Variants in DOCK7 observed in about 807,000 individuals in gnomAD.
The protein encoded by DOCK7 is dedicator of cytokinesis 7.
Under a neutral mutation model 271.0 loss-of-function variants are expected in DOCK7, and 138 were observed. That is an observed-to-expected ratio of 0.51 (90% confidence interval 0.44 to 0.59). The LOEUF is 0.59. DOCK7 is among the 20% of genes least tolerant of loss of function. The probability of loss-of-function intolerance (pLI) is 0.00; values close to 1 mark genes in which losing one functional copy is unlikely to be tolerated. For synonymous variants in DOCK7, 823 were observed against 876.1 expected (o/e 0.94, Z 1.07); for missense variants, 2,066 against 2,592.4 (o/e 0.80, Z 4.41).
intron 14 of DOCK7, among the ~76,000 whole-genome samples, chr1:62,607,202 A>T (rs951811147): frequency 1.3e-5 from 2 of 152,104 alleles, no homozygotes; most frequent in Admixed American, 6.6e-5. Flanking sequence ...GACTCAAAAA[A>T]AAATAAATAA....
chr1:62,589,785 T>C (rs1481580512), intron 14 of DOCK7, among the ~76,000 whole-genome samples: 2 of 150,812 alleles, frequency 1.3e-5, no homozygotes, highest in East Asian at 2.0e-4. Flanking sequence ...ATTAAAAGTA[T>C]ATCATTTAAT....
chr1:62,681,522 C>G (rs1192977551), intron 1 of DOCK7, among the ~76,000 whole-genome samples: 2 of 133,486 alleles, frequency 1.5e-5, no homozygotes, highest in Non-Finnish European at 3.1e-5. Flanking sequence ...TACCGTAGAA[C>G]TTAAAGTATA....
intron 1 of DOCK7, among the ~76,000 whole-genome samples, chr1:62,673,378 CTG>C (rs1415955581): frequency 6.6e-6 from 1 of 152,164 alleles, no homozygotes; most frequent in Non-Finnish European, 1.5e-5. Flanking sequence ...GGCTCTATCA[CTG>C]TGATCAACAG....
intron 18 of DOCK7, among the ~76,000 whole-genome samples, chr1:62,571,641 T>C (rs527841220): frequency 5.3e-5 from 8 of 152,228 alleles, no homozygotes; most frequent in Admixed American, 2.0e-4. Context: ...AGCAAAGACA[T>C]TGAATCAACC....
intron 12 of DOCK7, among the ~76,000 whole-genome samples, chr1:62,622,366 T>C (rs1037538116): frequency 3.3e-5 from 5 of 152,168 alleles, no homozygotes; most frequent in African/African-American, 7.2e-5. Context: ...TGTCAACAAA[T>C]AGAACAAATG....
rs1258075253 is a variant in DOCK7, at chr1:62,672,747, C to T, written c.39-9617G>A. Reference sequence around the variant, plus strand: ...ATTAAAAAATAGATATTTTTAGATACATTTCAAAAATAAAGTAACTTGCCC... The same window carrying T: ...ATTAAAAAATAGATATTTTTAGATATATTTCAAAAATAAAGTAACTTGCCC... On this transcript the variant is annotated intron_variant, in intron 1 of 49. Coordinates refer to ENST00000635253, the MANE Select transcript of DOCK7 (RefSeq NM_001367561.1). 3.9e-5 allele frequency among the ~76,000 whole-genome samples: 6 copies of T among 152,042 alleles called. No homozygotes were observed. The East Asian group carries it at 1.2e-3, about 29-fold the overall frequency.
chr1:62,548,151 T>G (rs941748599), intron 22 of DOCK7, among the ~76,000 whole-genome samples: 5 of 143,116 alleles, frequency 3.5e-5, no homozygotes, highest in Non-Finnish European at 6.1e-5. Flanking sequence ...AGATAAACAC[T>G]AAAAAAAAAT....
rs1557642781 is a variant in DOCK7, at chr1:62,508,028, C to T, written c.4410G>A (p.Leu1470=). 6.2e-7 allele frequency: 1 copy of T among 1,612,738 alleles called. No individual in the cohort carries two copies. The highest frequency in any genetic ancestry group is 1.3e-5 in the African/African-American group (1 of 74,846). ...CTTCTGTAGCCAGGTTTCCATCAATCAGTGCTTCGTGTTCAATCTCTGCTC... is the reference window on the plus strand; with the variant it reads ...CTTCTGTAGCCAGGTTTCCATCAATTAGTGCTTCGTGTTCAATCTCTGCTC... The part of the protein sequence containing the change: ...KSRAEIEHEA[L]IDGNLATEAN... Residue 1470 remains leucine, a synonymous_variant, in exon 35 of 50, where the codon CTG becomes CTA. Transcript: ENST00000635253.
chr1:62,563,800 C>G (rs1309842353), intron 18 of DOCK7, among the ~76,000 whole-genome samples: 1 of 126,916 alleles, frequency 7.9e-6, no homozygotes, highest in Non-Finnish European at 1.6e-5. Flanking sequence ...ATTCAGGAGA[C>G]CCACCTCATG....
chr1:62,671,222 C>T (rs1229638901), intron 1 of DOCK7, among the ~76,000 whole-genome samples: 2 of 152,190 alleles, frequency 1.3e-5, no homozygotes, highest in Non-Finnish European at 2.9e-5. Context: ...TTCTTGAAGT[C>T]AGTGAGACCA....
intron 43 of DOCK7, chr1:62,485,151 A>G: frequency 1.0e-6 from 1 of 985,356 alleles, no homozygotes; most frequent in Non-Finnish European, 1.2e-6. Context: ...CAAAAATTTT[A>G]AAAGACAACA....
At position 62,555,924 on chromosome 1, in the gene DOCK7, C is replaced by T. The variant is rs1646127527; in HGVS notation, c.2497G>A (p.Glu833Lys). 6.2e-7 allele frequency: 1 copy of T among 1,613,848 alleles called. No individual in the cohort carries two copies. The highest frequency in any genetic ancestry group is 1.3e-5 in the African/African-American group (1 of 75,028). ...CTGCCATGCTGGTCATGATTTCCTT[C>T]CAAGTTTTTGTGAAGTCGATTTATA... Reference protein sequence around the residue: ...SIINRLHKNLEGNHDQHGRNS... With the variant: ...SIINRLHKNLKGNHDQHGRNS... Residue 833 changes from glutamate to lysine, a missense_variant, in exon 21 of 50, where the codon GAA becomes AAA. By Grantham distance (56) the Glu-to-Lys change is moderately conservative (BLOSUM62 1). Transcript: ENST00000635253.
rs550181357 is a variant in DOCK7, at chr1:62,571,988, C to T, written c.2112+5274G>A. 1.3e-4 allele frequency among the ~76,000 whole-genome samples: 20 copies of T among 152,186 alleles called. No homozygotes were observed. In the East Asian group the frequency reaches 1.4e-3, roughly 10 times the overall value. ...TACTTAGGTGATGGGTTGATAGGTG[C>T]GGCAAATCACCATGGCACATGTTTA... is the stretch of plus-strand genomic sequence containing the variant. On this transcript the variant is annotated intron_variant, in intron 18 of 49. Transcript: ENST00000635253.
chr1:62,570,443 G>A (rs1335516730), intron 18 of DOCK7, among the ~76,000 whole-genome samples: 1 of 152,148 alleles, frequency 6.6e-6, no homozygotes, highest in Non-Finnish European at 1.5e-5. Flanking sequence ...CTCATGGATA[G>A]GAAGAATCAA....
intron 14 of DOCK7, among the ~76,000 whole-genome samples, chr1:62,587,663 ATCATGTATCC>A (rs1647771673): frequency 6.6e-6 from 1 of 152,186 alleles, no homozygotes; most frequent in Non-Finnish European, 1.5e-5. Context: ...AAGAAGGAAT[ATCATGTATCC>A]CCAAACAATG....
In DOCK7 at chr1:62,455,185, T is replaced by C. The variant is rs1446147541; in HGVS notation, c.*229A>G. ...TAATGGTAAATGTATAGTGTACCTT[T>C]GAGTCATTAAAATGTCTTAAAAGAT... On this transcript the variant is annotated 3_prime_UTR_variant, in exon 50 of 50. Transcript: ENST00000635253. The C allele has an allele frequency of 9.4e-6, 6 of 640,934 alleles. No individual in the cohort carries two copies. The East Asian group carries it at 1.6e-4, about 17-fold the overall frequency. The allele number at this position is 640,934 out of a possible 1,614,324, so 39.7% of individuals were successfully genotyped here.
intron 48 of DOCK7, among the ~76,000 whole-genome samples, chr1:62,464,682 C>T (rs1184496880): frequency 6.6e-6 from 1 of 151,686 alleles, no homozygotes; most frequent in African/African-American, 2.4e-5. Flanking sequence ...AATCCATCCC[C>T]CCTAAACAAA....
At chr1:62,526,495 GAA>G (rs939764065) in intron 31 of DOCK7, among the ~76,000 whole-genome samples, 1 of 140,444 alleles carries the variant, frequency 7.1e-6, no homozygotes, top group African/African-American at 2.6e-5. Flanking sequence ...AGCCACATTA[GAA>G]AAAAAAAAAG....
Position 62,487,508 on chromosome 1 carries a change from C to T in DOCK7, c.5494-96G>A, listed in dbSNP as rs570151851. On this transcript the variant is annotated intron_variant, in intron 42 of 49. Coordinates refer to ENST00000635253, the MANE Select transcript of DOCK7 (RefSeq NM_001367561.1). ...ACCATATACCATAAATTCTTCTCCA[C>T]AAACAGAAGACAGCAGGATATTTTA... 1.9e-5 allele frequency: 21 copies of T among 1,080,682 alleles called. No homozygotes were observed. In the East Asian group the frequency reaches 5.0e-4, roughly 26 times the overall value. The allele number at this position is 1,080,682 out of a possible 1,614,324, so 66.9% of individuals were successfully genotyped here. A position where few individuals can be genotyped will look rare whatever the true frequency, so the allele number is the denominator to read the frequency against.
Sources: gnomAD v4.1 joint callset for allele counts (sites outside exome capture counted in the v4.1 genomes callset) on GRCh38, gnomAD v4.1.1 for gene constraint, MANE v1.5 for transcripts, NCBI Gene and HGNC (gene_info 2026-07-23, HGNC 2026-07-21) for gene names.